Variants in SORD observed in about 807,000 individuals in gnomAD.
The protein encoded by SORD is sorbitol dehydrogenase.
A neutral mutation model predicts 35.6 loss-of-function variants in SORD; 18 were observed. The ratio of observed to expected loss-of-function variants is 0.51; its 90% CI spans 0.35 to 0.75. The LOEUF (loss-of-function observed/expected upper bound fraction) is 0.75, where lower values mean the gene tolerates loss of function less well. SORD is among the 30% of genes least tolerant of loss of function. The pLI, the probability that SORD is intolerant of heterozygous loss-of-function variation, is 0.01. For missense variants in SORD, 250 were observed against 390.2 expected (o/e 0.64, Z 3.03); for synonymous variants, 106 against 152.9 (o/e 0.69, Z 2.26).
chr15:45,040,971 T>C (rs1862166770), intron 2 of SORD, among the ~76,000 whole-genome samples: 1 of 152,200 alleles, frequency 6.6e-6, no homozygotes, highest in South Asian at 2.1e-4. Flanking sequence ...AGGTGCTGCA[T>C]GGGTCCCTGT....
rs1450900924 is a variant in SORD, at chr15:45,077,083, A to C, written c.*3553A>C. 6.8e-6 allele frequency: 1 copy of C among 147,956 alleles called. No homozygotes were observed. The highest frequency in any genetic ancestry group is 1.5e-5 in the Non-Finnish European group (1 of 67,634). The allele number at this position is 147,956 out of a possible 1,614,324, so 9.2% of individuals were successfully genotyped here. A position where few individuals can be genotyped will look rare whatever the true frequency, so the allele number is the denominator to read the frequency against. On this transcript the variant is annotated 3_prime_UTR_variant, in exon 9 of 9. Transcript: ENST00000267814. ...TAAATCACCACATCCCATTGTGTGG[A>C]TAGACTATCATTTATAAAGCAAATT...
intron 3 of SORD, among the ~76,000 whole-genome samples, chr15:45,046,519 A>G (rs1425548871): frequency 6.6e-6 from 1 of 152,216 alleles, no homozygotes; most frequent in Non-Finnish European, 1.5e-5. Flanking sequence ...CTGGGTTTAC[A>G]TAGGCATAAA....
At position 45,036,175 on chromosome 15, in the gene SORD, C is replaced by T. The variant is rs1022589104; in HGVS notation, c.67-4233C>T. ...CATCAGAATGAACAAACTCCGGACA[C>T]GCCCCCTTTAGGAACTGTAACACTC... On this transcript the variant is annotated intron_variant, in intron 1 of 8. Transcript: ENST00000267814. 5.7e-5 allele frequency: 19 copies of T among 333,214 alleles called. 1 individual carries two copies. The highest frequency in any genetic ancestry group is 3.5e-4 in the South Asian group (15 of 43,196). 20.6% of individuals were successfully genotyped at this position (333,214 alleles called of 1,614,324 possible). A position where few individuals can be genotyped will look rare whatever the true frequency, so the allele number is the denominator to read the frequency against.
chr15:45,058,014 T>C (rs1893245384), intron 3 of SORD, among the ~76,000 whole-genome samples: 1 of 152,232 alleles, frequency 6.6e-6, no homozygotes, highest in South Asian at 2.1e-4. Context: ...TTGAGTTACT[T>C]TCCTGGTTAC....
intron 1 of SORD, among the ~76,000 whole-genome samples, chr15:45,029,309 G>A (rs76923230): frequency 0.21 from 31,147 of 150,688 alleles, no homozygotes; most frequent in African/African-American, 0.44. Context: ...AAGACCATGA[G>A]GCACAAAGGT....
intron 3 of SORD, among the ~76,000 whole-genome samples, chr15:45,045,499 T>C (rs1042451006): frequency 3.8e-5 from 5 of 130,340 alleles, no homozygotes; most frequent in African/African-American, 1.1e-4. Context: ...TGCCACTGCA[T>C]GCCAGCTTTC....
At chr15:45,032,926 G>A (rs1273861103) in intron 1 of SORD, among the ~76,000 whole-genome samples, 8 of 151,834 alleles carry the variant, frequency 5.3e-5, no homozygotes, top group African/African-American at 1.9e-4. Flanking sequence ...CGCCCTGCAG[G>A]TGTGCAGGGC....
intron 4 of SORD, 107 bp from the exon 5 acceptor site, chr15:45,065,164 A>G: frequency 9.5e-7 from 1 of 1,053,958 alleles, no homozygotes; most frequent in South Asian, 1.5e-5. Flanking sequence ...TAAATGCTCG[A>G]TAAATGCTAG....
chr15:45,034,803 C>T (rs1328528736), intron 1 of SORD, among the ~76,000 whole-genome samples: 2 of 152,232 alleles, frequency 1.3e-5, no homozygotes, highest in East Asian at 1.9e-4. Context: ...AGGCCGGAGC[C>T]GGCTCCCTCA....
In SORD at chr15:45,061,042, G is replaced by T. The variant is rs769524281; in HGVS notation, c.266-25G>T. 3.7e-6 allele frequency: 6 copies of T among 1,613,812 alleles called. No homozygotes were observed. The South Asian group carries it at 5.5e-5, about 15-fold the overall frequency. On this transcript the variant is annotated intron_variant, in intron 3 of 8. Coordinates refer to ENST00000267814, the MANE Select transcript of SORD (RefSeq NM_003104.6). ...GACTCTGCTCCCACCCTCGGACATG[G>T]TGCCATCTTTGTTTTCCTCTCCAGG...
At chr15:45,023,641 A>T (rs1176422887) in intron 1 of SORD, among the ~76,000 whole-genome samples, 1 of 152,258 alleles carries the variant, frequency 6.6e-6, no homozygotes, top group African/African-American at 2.4e-5. Context: ...CTCCTTTGCC[A>T]GCTGCAGATT....
At chr15:45,063,376 A>G (rs1349340125) in intron 4 of SORD, among the ~76,000 whole-genome samples, 1 of 151,978 alleles carries the variant, frequency 6.6e-6, no homozygotes. Context: ...TCTGGTGTTT[A>G]TAAAGCATGA....
At chr15:45,070,009 A>C (rs1012456841) in intron 7 of SORD, 3 of 152,242 alleles carry the variant, frequency 2.0e-5, no homozygotes, top group African/African-American at 7.2e-5. Flanking sequence ...AACAACTTCC[A>C]GGTTCCAAGC....
chr15:45,041,851 G>A (rs905781051), intron 2 of SORD: 3 of 152,210 alleles, frequency 2.0e-5, no homozygotes, highest in African/African-American at 7.2e-5. Flanking sequence ...GCATTTCAGC[G>A]AGTGTTCTAG....
intron 3 of SORD, chr15:45,058,701 A>T (rs1215901967): frequency 2.6e-5 from 4 of 152,230 alleles, no homozygotes; most frequent in African/African-American, 9.6e-5. Context: ...TGAAAGTTTA[A>T]TAAGTGAAAG....
chr15:45,036,265 CAAAG>C, intron 1 of SORD: 1 of 448,486 alleles, frequency 2.2e-6, no homozygotes, highest in Middle Eastern at 3.3e-4. Flanking sequence ...ATTCCGGACA[CAAAG>C]AGAGGAGTAT....
chr15:45,061,081 A>G lies in SORD; in HGVS notation c.280A>G (p.Ile94Val). 21 of 1,614,172 alleles carry G rather than the reference A, an allele frequency of 1.3e-5. No homozygotes were observed. Among genetic ancestry groups the G allele is most frequent in the Non-Finnish European group, 1.8e-5 (21 of 1,180,014 alleles). Residue 94 changes from isoleucine (I) to valine (V), a missense_variant, in exon 4 of 9, where the codon ATC becomes GTC. Physicochemically the swap from Ile to Val is conservative, Grantham distance 29 (BLOSUM62 3). Transcript: ENST00000267814. ...KHLKPGDRVAIEPGAPRENDE... is the reference protein window; with the variant it reads ...KHLKPGDRVAVEPGAPRENDE... ...TTCCTCTCCAGGTGATCGTGTTGCC[A>G]TCGAGCCTGGTGCTCCCCGAGAAAA...
chr15:45,036,143 A>T, intron 1 of SORD: 1 of 323,708 alleles, frequency 3.1e-6, no homozygotes, highest in Middle Eastern at 1.1e-3. Flanking sequence ...CTCCGAACAC[A>T]TCCGAACATC....
At chr15:45,068,806 T>A in intron 6 of SORD, 71 bp from the exon 7 acceptor site, 13 of 1,427,464 alleles carry the variant, frequency 9.1e-6, no homozygotes, top group Non-Finnish European at 1.2e-5. Context: ...CTCCATTTTC[T>A]TTTCTTCCTA....
Sources: allele counts gnomAD v4.1 joint callset (sites outside exome capture counted in the v4.1 genomes callset), GRCh38; gene constraint gnomAD v4.1.1; transcripts MANE v1.5; gene names NCBI Gene and HGNC (gene_info 2026-07-23, HGNC 2026-07-21).